The following CACNA1A variants were observed in gnomAD, a reference collection of about 807,000 sequenced individuals.
CACNA1A encodes calcium voltage-gated channel subunit alpha1 A, also known as voltage-dependent P/Q-type calcium channel subunit alpha-1A.
CACNA1A carries 57 observed loss-of-function variants against 262.4 expected under a neutral mutation model. The ratio of observed to expected loss-of-function variants is 0.22; its 90% CI spans 0.18 to 0.27. The LOEUF (loss-of-function observed/expected upper bound fraction) is 0.27. CACNA1A is among the 10% of genes least tolerant of loss of function. The probability of loss-of-function intolerance (pLI) is 1.00; values close to 1 mark genes in which losing one functional copy is unlikely to be tolerated. For missense variants in CACNA1A, 2,526 were observed against 3,562.8 expected (o/e 0.71, Z 7.41); for synonymous variants, 1,431 against 1,419.3 (o/e 1.01, Z -0.18).
At chr19:13,355,048 G>C (rs568508370) in intron 6 of CACNA1A, among the ~76,000 whole-genome samples, 4 of 151,938 alleles carry the variant, frequency 2.6e-5, no homozygotes, top group African/African-American at 7.3e-5. Flanking sequence ...GCTAATTTTT[G>C]TATCTTTAGT....
In CACNA1A at chr19:13,212,737, G is replaced by T; in HGVS notation, c.5944C>A (p.Arg1982=). ...KLQAMREEQD[R]TPLMFQRMEP... ...ATGCGCTGGAACATGAGGGGTGTCCGGTCCTGGGGAATGGGGCAGAGAGCA... is the reference window on the plus strand; with the variant it reads ...ATGCGCTGGAACATGAGGGGTGTCCTGTCCTGGGGAATGGGGCAGAGAGCA... The change falls in exon 41 of 47, where the codon CGG becomes AGG. Residue 1982 remains arginine, a synonymous_variant. Transcript: ENST00000360228. This position sits in a 1 kb window ranked among gnomAD's most constrained non-coding sequence, Gnocchi z 5.6. 6.7e-7 allele frequency: 1 copy of T among 1,495,120 alleles called. No homozygotes were observed. The allele number at this position is 1,495,120 out of a possible 1,614,324, so 92.6% of individuals were successfully genotyped here.
In CACNA1A at chr19:13,317,233, G is replaced by A. The variant is rs767432719; in HGVS notation, c.1434C>T (p.Tyr478=). Residue 478 remains tyrosine, a synonymous_variant, in exon 11 of 47, where the codon TAC becomes TAT. Transcript: ENST00000360228. ...CCTGAGTTTTGACCATGCGGCGGAT[G>A]TAGAAACGCATCCTCCTCTCCTTTT... ...FHKKERRMRF[Y]IRRMVKTQAF... 1.2e-6 allele frequency: 2 copies of A among 1,613,694 alleles called. No individual in the cohort carries two copies. Among genetic ancestry groups the A allele is most frequent in the Non-Finnish European group, 1.7e-6 (2 of 1,179,690 alleles).
At position 13,262,725 on chromosome 19, in the gene CACNA1A, C is replaced by T. The variant is rs771211216; in HGVS notation, c.4089+9G>A. ...CCCCCCACCGCACCCCACCATCTCC[C>T]AATCTCACCTTGAGCTTTGGCAGCC... On this transcript the variant is annotated intron_variant, in intron 25 of 46. Transcript: ENST00000360228. 1 of 1,588,564 alleles carries T rather than the reference C, an allele frequency of 6.3e-7. No individual in the cohort carries two copies. Among genetic ancestry groups the T allele is most frequent in the Non-Finnish European group, 8.6e-7 (1 of 1,158,544 alleles).
In CACNA1A at chr19:13,212,303, GT is replaced by G; in HGVS notation, c.6189+80del. ...TGCAGAGGGAGGGAGCTGCAGGTGT[GT>G]GTGTGTGGGGGGCCCAGATCCCTTC... On this transcript the variant is annotated intron_variant, in intron 42 of 46. Coordinates refer to ENST00000360228, the MANE Select transcript of CACNA1A (RefSeq NM_001127222.2). The surrounding 1 kb of genome is among the most constrained non-coding windows in gnomAD (Gnocchi z 5.6). 6.4e-7 allele frequency: 1 copy of G among 1,564,994 alleles called. No homozygotes were observed.
In CACNA1A at chr19:13,445,369, G is replaced by A. The variant is rs1399556062; in HGVS notation, c.539+7507C>T. ...TTCTCTGTCTTATATCTCATCTGAT[G>A]TTCAGGGCATCTGCCATAGACTTCT... On this transcript the variant is annotated intron_variant, in intron 3 of 46. Coordinates refer to ENST00000360228, the MANE Select transcript of CACNA1A (RefSeq NM_001127222.2). Among the ~76,000 whole-genome samples, 5 of 152,300 alleles carry A rather than the reference G, an allele frequency of 3.3e-5. No individual in the cohort carries two copies. The East Asian group carries it at 9.7e-4, about 29-fold the overall frequency.
rs1237260563 is a variant in CACNA1A, at chr19:13,208,934, C to T, written c.6602G>A (p.Arg2201Gln). 3.3e-6 allele frequency: 5 copies of T among 1,537,318 alleles called. No homozygotes were observed. The highest frequency in any genetic ancestry group is 2.4e-5 in the East Asian group (1 of 40,918). Residue 2201 changes from arginine (R) to glutamine (Q), a missense_variant, in exon 46 of 47, where the codon CGG (arginine) becomes CAG (glutamine). Transcript: ENST00000360228. The part of the protein sequence containing the change: ...PSKERDQERG[R>Q]PKDRKHRQHH... The stretch of plus-strand genomic sequence containing the variant: ...CTGTCGATGCTTCCGATCCTTGGGC[C>T]GGCCCCGCTCCTGGTCCCGCTCCTT...
intron 24 of CACNA1A, chr19:13,271,908 C>T (rs1013314743): frequency 1.4e-4 from 22 of 152,166 alleles, no homozygotes; most frequent in Non-Finnish European, 2.5e-4. Context: ...AGATTACAGG[C>T]GCCTGCTATC....
chr19:13,459,618 G>A (rs1239914446), intron 1 of CACNA1A, among the ~76,000 whole-genome samples: 2 of 152,166 alleles, frequency 1.3e-5, no homozygotes, highest in Admixed American at 6.5e-5. Flanking sequence ...GAAAATAAGA[G>A]ACAATATTTG....
intron 3 of CACNA1A, among the ~76,000 whole-genome samples, chr19:13,402,059 GGTGTTA>G: frequency 6.6e-6 from 1 of 152,278 alleles, no homozygotes; most frequent in Non-Finnish European, 1.5e-5. Flanking sequence ...TATTGCAGCT[GGTGTTA>G]ACTAACACAG....
chr19:13,298,654 G>C lies in CACNA1A; in HGVS notation c.2979C>G (p.Gly993=). The change falls in exon 19 of 47, where the codon GGC becomes GGG. Residue 993 remains glycine, a synonymous_variant. Transcript: ENST00000360228. The part of the protein sequence containing the change: ...SRPARGGEGE[G]EGPDGGERRR... ...TGCGCTCGCCCCCGTCGGGGCCCTCGCCCTCGCCCTCGCCGCCCCGGGCCG... is the reference window on the plus strand; with the variant it reads ...TGCGCTCGCCCCCGTCGGGGCCCTCCCCCTCGCCCTCGCCGCCCCGGGCCG... 6.7e-7 allele frequency: 1 copy of C among 1,502,574 alleles called. No homozygotes were observed. The highest frequency in any genetic ancestry group is 1.3e-5 in the South Asian group (1 of 79,446). The allele number at this position is 1,502,574 out of a possible 1,614,324, so 93.1% of individuals were successfully genotyped here.
intron 24 of CACNA1A, among the ~76,000 whole-genome samples, chr19:13,267,190 C>T (rs941124589): frequency 1.3e-5 from 2 of 152,170 alleles, no homozygotes; most frequent in Non-Finnish European, 2.9e-5. Context: ...TTACCGTGTA[C>T]TGCTCCTGGT....
At chr19:13,312,616 G>T in intron 12 of CACNA1A, 53 bp downstream of exon 12, 1 of 1,061,584 alleles carries the variant, frequency 9.4e-7, no homozygotes, top group Non-Finnish European at 1.4e-6. Flanking sequence ...CCAGGTATCT[G>T]TCATTCCAGG....
chr19:13,413,915 G>GAAAAGAAAAGAAAAGA (rs749911202), intron 3 of CACNA1A, among the ~76,000 whole-genome samples: 1 of 95,870 alleles, frequency 1.0e-5, no homozygotes, highest in Admixed American at 1.0e-4. Flanking sequence ...AAGAAAGAAA[G>GAAAAGAAAAGAAAAGA]AAAGAAAGAA....
At chr19:13,402,719 C>A (rs2059916907) in intron 3 of CACNA1A, among the ~76,000 whole-genome samples, 1 of 143,246 alleles carries the variant, frequency 7.0e-6, no homozygotes, top group Non-Finnish European at 1.5e-5. Context: ...GACCAAATTT[C>A]ATATATATAT....
At position 13,214,862 on chromosome 19, in the gene CACNA1A, C is replaced by T; in HGVS notation, c.5732-254G>A. 1 of 499,280 alleles carries T rather than the reference C, an allele frequency of 2.0e-6. No homozygotes were observed. The highest frequency in any genetic ancestry group is 3.2e-5 in the South Asian group (1 of 31,570). 30.9% of individuals were successfully genotyped at this position (499,280 alleles called of 1,614,324 possible). Reference sequence around the variant, plus strand: ...GGAGACAGCCCGGCATGGAGAACAGCTGGGCGACCTGGGTCCCAATCTTGT... The same window carrying T: ...GGAGACAGCCCGGCATGGAGAACAGTTGGGCGACCTGGGTCCCAATCTTGT... On this transcript the variant is annotated intron_variant, in intron 38 of 46. Coordinates refer to ENST00000360228, the MANE Select transcript of CACNA1A (RefSeq NM_001127222.2). The surrounding 1 kb of genome is among the most constrained non-coding windows in gnomAD (Gnocchi z 4.1).
chr19:13,268,601 T>A (rs1168585821), intron 24 of CACNA1A, among the ~76,000 whole-genome samples: 1 of 151,762 alleles, frequency 6.6e-6, no homozygotes, highest in Non-Finnish European at 1.5e-5. Context: ...CCCAGCTAAT[T>A]TTTTTTGTAT....
chr19:13,326,273 C>T (rs983080430), intron 10 of CACNA1A, among the ~76,000 whole-genome samples: 3 of 151,706 alleles, frequency 2.0e-5, no homozygotes, highest in African/African-American at 7.3e-5. Context: ...CGAGATCGCA[C>T]CACTGCACTC....
intron 3 of CACNA1A, among the ~76,000 whole-genome samples, chr19:13,375,407 A>G (rs1163596588): frequency 2.0e-5 from 3 of 152,156 alleles, no homozygotes; most frequent in Non-Finnish European, 4.4e-5. Flanking sequence ...ATGGCCTTTA[A>G]GTGCTCAAGT....
chr19:13,264,937 T>C (rs1023356393), intron 24 of CACNA1A, among the ~76,000 whole-genome samples: 2 of 151,336 alleles, frequency 1.3e-5, no homozygotes, highest in African/African-American at 4.9e-5. Context: ...TGCAGTGGCA[T>C]GATCTTGGCT....
Sources: gnomAD v4.1 joint callset for allele counts (sites outside exome capture counted in the v4.1 genomes callset) on GRCh38, gnomAD v4.1.1 for gene constraint, Gnocchi (gnomAD v3.1) non-coding constraint, MANE v1.5 for transcripts, NCBI Gene and HGNC (gene_info 2026-07-23, HGNC 2026-07-21) for gene names.